ATP8A2: variants seen among roughly 807,000 people sequenced by gnomAD.
The protein encoded by ATP8A2 is phospholipid-transporting ATPase IB.
In ATP8A2, 100 loss-of-function variants were observed where a neutral mutation model predicts 165.6. The ratio of observed to expected loss-of-function variants is 0.60; its 90% confidence interval spans 0.51 to 0.71. The LOEUF is 0.71. Among genes scored for constraint, ATP8A2 ranks in the 30% least tolerant of loss-of-function variants. ATP8A2 has a pLI of 0.00. For missense variants in ATP8A2, 1,227 were observed against 1,479.5 expected, an observed-to-expected ratio of 0.83 and a Z score of 2.80; for synonymous variants, 543 against 548.8, an observed-to-expected ratio of 0.99 and a Z score of 0.15.
chr13:25,630,235 G>A (rs1449038673), intron 24 of ATP8A2, among the ~76,000 whole-genome samples: 1 of 152,122 alleles, frequency 6.6e-6, no homozygotes, highest in Non-Finnish European at 1.5e-5. Context: ...GCCTTGAAGT[G>A]ATTCTAGTTT....
chr13:25,414,283 C>T (rs537511234), intron 1 of ATP8A2, among the ~76,000 whole-genome samples: 1 of 151,502 alleles, frequency 6.6e-6, no homozygotes, highest in Non-Finnish European at 1.5e-5. Flanking sequence ...CTCTGCCTCC[C>T]GGGTTCAAGC....
At chr13:25,925,446 A>G (rs1954574423) in intron 33 of ATP8A2, among the ~76,000 whole-genome samples, 1 of 151,968 alleles carries the variant, frequency 6.6e-6, no homozygotes, top group South Asian at 2.1e-4. Flanking sequence ...AGGCAGGAGA[A>G]TGGCGTGAGC....
chr13:25,733,061 A>G (rs961366808), intron 25 of ATP8A2, among the ~76,000 whole-genome samples: 2 of 152,212 alleles, frequency 1.3e-5, no homozygotes, highest in Non-Finnish European at 2.9e-5. Flanking sequence ...GCAATTTTAC[A>G]TGCCTTTATG....
At chr13:25,685,031 A>G (rs887519052) in intron 24 of ATP8A2, among the ~76,000 whole-genome samples, 1 of 152,212 alleles carries the variant, frequency 6.6e-6, no homozygotes, top group African/African-American at 2.4e-5. Context: ...TAATCAACTC[A>G]TTTAAATAAC....
intron 33 of ATP8A2, among the ~76,000 whole-genome samples, chr13:25,907,569 A>C (rs139812010): frequency 1.1e-3 from 172 of 152,254 alleles, no homozygotes; most frequent in Non-Finnish European, 2.0e-3. Context: ...CCATTTCGTA[A>C]TATCTATGAT....
intron 33 of ATP8A2, among the ~76,000 whole-genome samples, chr13:25,899,991 A>T (rs1021973504): frequency 6.6e-6 from 1 of 152,128 alleles, no homozygotes; most frequent in African/African-American, 2.4e-5. Flanking sequence ...GTGTTCGAGG[A>T]TGCTGGGACC....
intron 24 of ATP8A2, among the ~76,000 whole-genome samples, chr13:25,675,935 T>C (rs1299724604): frequency 1.3e-5 from 2 of 152,230 alleles, no homozygotes; most frequent in East Asian, 1.9e-4. Flanking sequence ...TTTACAATCA[T>C]ATATTAATAG....
At chr13:25,814,545 G>T (rs1432524893) in intron 27 of ATP8A2, among the ~76,000 whole-genome samples, 5 of 143,248 alleles carry the variant, frequency 3.5e-5, no homozygotes, top group Non-Finnish European at 7.5e-5. Flanking sequence ...CAATGGAATA[G>T]AATAGAGAGC....
intron 30 of ATP8A2, among the ~76,000 whole-genome samples, chr13:25,841,720 T>C (rs950831375): frequency 1.3e-5 from 2 of 152,202 alleles, no homozygotes; most frequent in Non-Finnish European, 2.9e-5. Context: ...AAAGAGTTTG[T>C]AGTATGGAAA....
Position 25,634,216 on chromosome 13 carries a change from C to G in ATP8A2, c.2211+44517C>G, listed in dbSNP as rs139128835. Among the ~76,000 whole-genome samples the G allele has an allele frequency of 1.6e-4, 25 of 152,224 alleles. 1 individual carries two copies. The highest frequency in any genetic ancestry group is 6.0e-4 in the African/African-American group (25 of 41,556). ...ACAGCTGTTTCAGGAGACAGCATCT[C>G]AAAATGAGTTGTCAGAAAATCTGCC... On this transcript the variant is annotated intron_variant, in intron 24 of 36. Coordinates refer to ENST00000381655, the MANE Select transcript of ATP8A2 (RefSeq NM_016529.6).
At chr13:25,803,759 T>C (rs217903) in intron 27 of ATP8A2, among the ~76,000 whole-genome samples, 150,573 of 152,344 alleles carry the variant, frequency 0.99, 74,426 homozygotes, top group East Asian at 1. Context: ...ACCTGTTTGT[T>C]GTTAATACGT....
chr13:25,823,181 A>G (rs1280947663), intron 27 of ATP8A2, among the ~76,000 whole-genome samples: 1 of 152,154 alleles, frequency 6.6e-6, no homozygotes, highest in African/African-American at 2.4e-5. Flanking sequence ...CAAGCTAAGA[A>G]TTTGATCTTT....
chr13:25,644,024 T>C (rs1338488354), intron 24 of ATP8A2, among the ~76,000 whole-genome samples: 3 of 152,144 alleles, frequency 2.0e-5, no homozygotes, highest in East Asian at 1.9e-4. Context: ...ATGGGATTTT[T>C]CTCTTGATTT....
intron 35 of ATP8A2, among the ~76,000 whole-genome samples, chr13:26,006,431 C>T (rs1956738417): frequency 6.6e-6 from 1 of 152,004 alleles, no homozygotes; most frequent in South Asian, 2.1e-4. Context: ...TATTCTTCAT[C>T]ATATAAGATC....
intron 24 of ATP8A2, among the ~76,000 whole-genome samples, chr13:25,646,737 G>A (rs937033734): frequency 1.3e-5 from 2 of 151,440 alleles, no homozygotes; most frequent in Non-Finnish European, 2.9e-5. Context: ...TACATTCAAG[G>A]TAATTATTGA....
At chr13:25,587,453 G>A (rs1031533923) in intron 23 of ATP8A2, among the ~76,000 whole-genome samples, 2 of 151,996 alleles carry the variant, frequency 1.3e-5, no homozygotes, top group African/African-American at 4.8e-5. Context: ...AAAAAAGACT[G>A]AGTTTTTCCA....
intron 27 of ATP8A2, among the ~76,000 whole-genome samples, chr13:25,803,639 C>T (rs1950667136): frequency 6.6e-6 from 1 of 152,222 alleles, no homozygotes; most frequent in Non-Finnish European, 1.5e-5. Flanking sequence ...CCCTCTTCCC[C>T]ATATGTTAGT....
At position 25,743,613 on chromosome 13, in the gene ATP8A2, T is replaced by C. The variant is rs192238146; in HGVS notation, c.2385-25433T>C. On this transcript the variant is annotated intron_variant, in intron 25 of 36. Transcript: ENST00000381655. ...TGCCGGCCACATGTTTCATTTGTAATGGTAGATGTATCATCAGGTTCTGGC... is the reference window on the plus strand; with the variant it reads ...TGCCGGCCACATGTTTCATTTGTAACGGTAGATGTATCATCAGGTTCTGGC... Among the ~76,000 whole-genome samples, 27 of 152,302 alleles carry C rather than the reference T, an allele frequency of 1.8e-4. 1 individual carries two copies. Among genetic ancestry groups the C allele is most frequent in the African/African-American group, 4.8e-4 (20 of 41,570 alleles).
intron 26 of ATP8A2, among the ~76,000 whole-genome samples, chr13:25,772,218 C>G (rs1044984130): frequency 6.6e-6 from 1 of 152,138 alleles, no homozygotes; most frequent in Non-Finnish European, 1.5e-5. Context: ...AGAATCATTC[C>G]TGCCCCCTGC....
Sources: gnomAD v4.1 joint callset for allele counts (sites outside exome capture counted in the v4.1 genomes callset) on GRCh38, gnomAD v4.1.1 for gene constraint, MANE v1.5 for transcripts, NCBI Gene and HGNC (gene_info 2026-07-23, HGNC 2026-07-21) for gene names.